The following ITK variants were observed in gnomAD, a reference collection of about 807,000 sequenced individuals.
ITK encodes the protein tyrosine-protein kinase ITK/TSK.
ITK carries 45 observed loss-of-function variants against 87.6 expected under a neutral mutation model. The ratio of observed to expected loss-of-function variants is 0.51; its 90% CI spans 0.40 to 0.66. The LOEUF is 0.66. Among genes scored for constraint, ITK ranks in the 30% least tolerant of loss-of-function variants. The pLI, the probability that ITK is intolerant of heterozygous loss-of-function variation, is 0.00. For missense variants in ITK, 605 were observed against 766.3 expected (o/e 0.79, Z 2.48); for synonymous variants, 303 against 273.6 (o/e 1.11, Z -1.06).
intron 1 of ITK, among the ~76,000 whole-genome samples, chr5:157,183,418 C>T (rs559835599): frequency 5.9e-5 from 9 of 152,250 alleles, no homozygotes; most frequent in South Asian, 2.1e-4. Flanking sequence ...TGTCTTTAGG[C>T]TGAACTTTTT....
At chr5:157,194,961 T>C (rs1268687828) in intron 1 of ITK, 1 of 151,946 alleles carries the variant, frequency 6.6e-6, no homozygotes, top group Admixed American at 6.6e-5. Context: ...TTTTAAGTAG[T>C]TCCAAGAGTG....
chr5:157,190,478 G>A (rs911968185), intron 1 of ITK, among the ~76,000 whole-genome samples: 3 of 152,222 alleles, frequency 2.0e-5, no homozygotes, highest in African/African-American at 7.2e-5. Context: ...ATGGAGGCAG[G>A]TGTCTTAGGT....
chr5:157,230,408 A>T (rs1460988612), intron 7 of ITK, among the ~76,000 whole-genome samples: 1 of 152,208 alleles, frequency 6.6e-6, no homozygotes, highest in African/African-American at 2.4e-5. Flanking sequence ...TAATGAGGAC[A>T]CCTATTAACG....
At chr5:157,190,994 G>C (rs757704189) in intron 1 of ITK, among the ~76,000 whole-genome samples, 2 of 152,126 alleles carry the variant, frequency 1.3e-5, no homozygotes, top group Admixed American at 6.5e-5. Flanking sequence ...ACAGCTATGG[G>C]GTCAGCAGAT....
chr5:157,187,680 A>G (rs1030881035), intron 1 of ITK, among the ~76,000 whole-genome samples: 2 of 152,192 alleles, frequency 1.3e-5, no homozygotes. Context: ...AACTAGCAGG[A>G]GGGCCGGGTC....
At chr5:157,231,018 C>A (rs1754640281) in intron 7 of ITK, among the ~76,000 whole-genome samples, 1 of 152,154 alleles carries the variant, frequency 6.6e-6, no homozygotes, top group Admixed American at 6.5e-5. Flanking sequence ...ATGAAAGATT[C>A]CAGTATGATA....
intron 16 of ITK, among the ~76,000 whole-genome samples, chr5:157,251,891 T>G (rs1169160655): frequency 6.6e-6 from 1 of 152,232 alleles, no homozygotes; most frequent in Admixed American, 6.5e-5. Context: ...TACTGTAGCT[T>G]TAGAGTAAGT....
intron 1 of ITK, chr5:157,195,251 T>C (rs1753830375): frequency 6.6e-6 from 1 of 152,204 alleles, no homozygotes; most frequent in Admixed American, 6.5e-5. Flanking sequence ...TAAACCTCAA[T>C]AACATGAAGT....
intron 1 of ITK, among the ~76,000 whole-genome samples, chr5:157,206,189 A>C (rs1413725357): frequency 6.6e-6 from 1 of 152,062 alleles, no homozygotes; most frequent in South Asian, 2.1e-4. Flanking sequence ...CCCTGGGCTC[A>C]AGTGATCCAC....
At chr5:157,242,076 A>G (rs895243575) in intron 11 of ITK, among the ~76,000 whole-genome samples, 1 of 152,226 alleles carries the variant, frequency 6.6e-6, no homozygotes, top group African/African-American at 2.4e-5. Flanking sequence ...GAACTTTTAT[A>G]TCATCTAGTT....
chr5:157,231,558 A>G (rs1754654443), intron 7 of ITK, among the ~76,000 whole-genome samples: 1 of 152,216 alleles, frequency 6.6e-6, no homozygotes, highest in African/African-American at 2.4e-5. Flanking sequence ...CAAGTTTGTT[A>G]AGTGGTATTC....
chr5:157,237,835 T>C (rs1754807934), intron 8 of ITK, among the ~76,000 whole-genome samples: 1 of 152,228 alleles, frequency 6.6e-6, no homozygotes, highest in South Asian at 2.1e-4. Flanking sequence ...GTAAAGAGTC[T>C]GATACATGGG....
intron 1 of ITK, among the ~76,000 whole-genome samples, chr5:157,207,606 C>T (rs946306691): frequency 1.3e-5 from 2 of 151,968 alleles, no homozygotes; most frequent in Non-Finnish European, 2.9e-5. Flanking sequence ...TCTCGAACTC[C>T]TGATCTCAGG....
chr5:157,224,101 T>C (rs1369885105), intron 6 of ITK, among the ~76,000 whole-genome samples: 3 of 152,064 alleles, frequency 2.0e-5, no homozygotes, highest in Admixed American at 6.5e-5. Context: ...CTGGCCAACA[T>C]GGTGAAACCC....
chr5:157,195,551 G>A (rs964187353), intron 1 of ITK: 5 of 152,164 alleles, frequency 3.3e-5, no homozygotes, highest in African/African-American at 1.2e-4. Flanking sequence ...GTTGCAAAAT[G>A]TTATGCAGTA....
rs1334362825 is a variant in ITK at position 157,230,200 on chromosome 5, G to A, written c.713+1839G>A. On this transcript the variant is annotated intron_variant, in intron 7 of 16. Coordinates refer to ENST00000422843, the MANE Select transcript of ITK (RefSeq NM_005546.4). ...AAGTCAATTCTCAAATAGTTCAGAA[G>A]AAAAGTCAATCTATGTCTATCTAAA... Among the ~76,000 whole-genome samples the A allele has an allele frequency of 2.0e-5, 3 of 152,104 alleles. No individual in the cohort carries two copies. The East Asian group carries it at 5.8e-4, about 29-fold the overall frequency.
chr5:157,193,132 G>A (rs960482045), intron 1 of ITK, among the ~76,000 whole-genome samples: 2 of 152,118 alleles, frequency 1.3e-5, no homozygotes, highest in Non-Finnish European at 1.5e-5. Context: ...GAGGGAAGAG[G>A]ATTGCTTAAG....
At chr5:157,217,785 A>G in intron 4 of ITK, 82 bp from the exon 5 acceptor site, 5 of 1,288,162 alleles carry the variant, frequency 3.9e-6, no homozygotes, top group South Asian at 1.2e-5. Context: ...TTTTTCTCAG[A>G]AAAACCCCCT....
At chr5:157,234,244 A>G (rs1483154977) in intron 8 of ITK, among the ~76,000 whole-genome samples, 1 of 151,808 alleles carries the variant, frequency 6.6e-6, no homozygotes, top group Non-Finnish European at 1.5e-5. Context: ...GGCCTCCCAG[A>G]GTGCTGGGAT....
Sources: allele counts gnomAD v4.1 joint callset (sites outside exome capture counted in the v4.1 genomes callset), GRCh38; gene constraint gnomAD v4.1.1; transcripts MANE v1.5; gene names NCBI Gene and HGNC (gene_info 2026-07-23, HGNC 2026-07-21).